Variants in PALD1 observed in about 807,000 individuals in gnomAD.
The protein encoded by PALD1 is paladin.
In PALD1, 57 loss-of-function variants were observed where a neutral mutation model predicts 96.0. That is an observed-to-expected ratio of 0.59 (90% CI 0.48 to 0.74). PALD1 has a LOEUF of 0.74. Ranked by LOEUF, PALD1 falls within the 30% of genes least tolerant of loss-of-function variation. PALD1 has a pLI of 0.00. For synonymous variants in PALD1, 464 were observed against 473.6 expected (o/e 0.98, Z 0.26); for missense variants, 1,063 against 1,143.7 (o/e 0.93, Z 1.02).
the PALD1 span, among the ~76,000 whole-genome samples, chr10:70,469,076 A>C: frequency 6.6e-6 from 1 of 152,130 alleles, no homozygotes; most frequent in Non-Finnish European, 1.5e-5. Context: ...AGCCTTGGCC[A>C]GCCCACCCTT....
the PALD1 span, among the ~76,000 whole-genome samples, chr10:70,462,376 A>C: frequency 6.6e-6 from 1 of 152,254 alleles, no homozygotes; most frequent in Non-Finnish European, 1.5e-5. Context: ...TAAAGTGGGA[A>C]TACTACGTGC....
chr10:70,505,997 G>A (rs1846381484), intron 1 of PALD1, among the ~76,000 whole-genome samples: 1 of 151,810 alleles, frequency 6.6e-6, no homozygotes, highest in Admixed American at 6.6e-5. Context: ...CTCCAGCCTG[G>A]GTGACAAAGC....
chr10:70,566,275 C>T (rs538595823), intron 19 of PALD1, among the ~76,000 whole-genome samples: 2 of 152,324 alleles, frequency 1.3e-5, no homozygotes, highest in East Asian at 1.9e-4. Flanking sequence ...TGGGCGTCCA[C>T]GTGGGAGCAT....
At chr10:70,550,616 C>T (rs989536096) in intron 18 of PALD1, among the ~76,000 whole-genome samples, 6 of 152,204 alleles carry the variant, frequency 3.9e-5, no homozygotes, top group African/African-American at 1.2e-4. Context: ...AGAAACCTCA[C>T]ACCCGCTAGC....
chr10:70,460,159 CTT>C, the PALD1 span, among the ~76,000 whole-genome samples: 1 of 152,190 alleles, frequency 6.6e-6, no homozygotes, highest in African/African-American at 2.4e-5. Flanking sequence ...GCTCAGTCCT[CTT>C]TGTCTTCTGA....
intron 1 of PALD1, among the ~76,000 whole-genome samples, chr10:70,509,915 C>T (rs562960658): frequency 5.3e-5 from 8 of 152,274 alleles, no homozygotes; most frequent in African/African-American, 1.4e-4. Flanking sequence ...AGAATTCAGC[C>T]GCTGAAATGT....
chr10:70,478,645 G>C (rs952273020), upstream of PALD1, among the ~76,000 whole-genome samples: 1 of 152,186 alleles, frequency 6.6e-6, no homozygotes, highest in Non-Finnish European at 1.5e-5. Flanking sequence ...CCCGCCCGGG[G>C]GCTGCGGCTG....
intron 1 of PALD1, among the ~76,000 whole-genome samples, chr10:70,523,726 T>C (rs922457407): frequency 2.0e-5 from 3 of 152,032 alleles, no homozygotes; most frequent in Non-Finnish European, 4.4e-5. Flanking sequence ...GTCACGAGGC[T>C]CCTGGGAGTT....
intron 1 of PALD1, among the ~76,000 whole-genome samples, chr10:70,497,691 C>T (rs553124405): frequency 9.2e-5 from 14 of 151,970 alleles, no homozygotes; most frequent in Non-Finnish European, 1.5e-4. Flanking sequence ...CTCAGCCTCC[C>T]GAGTAGCTGG....
chr10:70,538,211 G>A, intron 11 of PALD1, 69 bp from the exon 12 acceptor site: 1 of 1,527,702 alleles, frequency 6.5e-7, no homozygotes, highest in Non-Finnish European at 8.9e-7. Flanking sequence ...CCCTGCCATG[G>A]TGTGGGCAGG....
intron 18 of PALD1, among the ~76,000 whole-genome samples, chr10:70,550,255 A>T (rs1847454947): frequency 6.6e-6 from 1 of 152,140 alleles, no homozygotes; most frequent in South Asian, 2.1e-4. Context: ...TTGTTTTTGA[A>T]GTCTCCCAGG....
chr10:70,529,253 G>C lies in PALD1; in HGVS notation c.210G>C (p.Gln70His). The C allele has an allele frequency of 7.9e-7, 1 of 1,269,784 alleles. No individual in the cohort carries two copies. The highest frequency in any genetic ancestry group is 1.1e-6 in the Non-Finnish European group (1 of 906,356). 78.7% of individuals were successfully genotyped at this position (1,269,784 alleles called of 1,614,324 possible). The change falls in exon 3 of 20, where the codon CAG (glutamine) becomes CAC (histidine). Residue 70 changes from glutamine (Q) to histidine (H), a missense_variant. Gln to His is a conservative substitution (Grantham distance 24, BLOSUM62 0). Transcript: ENST00000263563. The part of the protein sequence containing the change: ...VITYNCKEEF[Q>H]IHDELLKAHY... ...GGTACAACTGCAAGGAGGAGTTCCA[G>C]ATCCATGATGAGCTGCTCAAGGCTC...
the PALD1 span, among the ~76,000 whole-genome samples, chr10:70,473,183 G>A: frequency 6.6e-6 from 1 of 152,078 alleles, no homozygotes; most frequent in Admixed American, 6.5e-5. Flanking sequence ...CCTGCATCCC[G>A]CCCTGCTGGG....
At chr10:70,537,654 C>T (rs1385589943) in intron 10 of PALD1, among the ~76,000 whole-genome samples, 157 bp from the exon 11 acceptor site, 1 of 152,234 alleles carries the variant, frequency 6.6e-6, no homozygotes, top group African/African-American at 2.4e-5. Context: ...GGGTGAGACA[C>T]TTAGAAGAAC....
intron 1 of PALD1, chr10:70,486,321 C>A: frequency 6.4e-6 from 1 of 156,622 alleles, no homozygotes. Flanking sequence ...GGCGCCATCA[C>A]CACCCACCAC....
chr10:70,474,702 T>C (rs771292811), upstream of PALD1, among the ~76,000 whole-genome samples: 6 of 152,342 alleles, frequency 3.9e-5, no homozygotes, highest in Non-Finnish European at 8.8e-5. Context: ...GGTTTGAACC[T>C]TGTGTATGAA....
chr10:70,534,773 A>C lies in PALD1; in HGVS notation c.1157A>C (p.His386Pro). The change falls in exon 10 of 20, where the codon CAT (histidine) becomes CCT (proline). Residue 386 changes from histidine to proline, a missense_variant. Coordinates refer to ENST00000263563, the MANE Select transcript of PALD1 (RefSeq NM_014431.3). ...DRAITACAEL[H>P]DLKEVVLENQ... is the part of the protein sequence containing the mutation. ...GCCATCACTGCCTGTGCCGAGTTGCATGACCTGAAAGAAGTGGTCTTGGAA... is the reference window on the plus strand; with the variant it reads ...GCCATCACTGCCTGTGCCGAGTTGCCTGACCTGAAAGAAGTGGTCTTGGAA... The C allele has an allele frequency of 1.9e-6, 3 of 1,611,018 alleles. No homozygotes were observed. The highest frequency in any genetic ancestry group is 2.5e-6 in the Non-Finnish European group (3 of 1,178,746).
At chr10:70,510,873 A>G (rs1215329314) in intron 1 of PALD1, among the ~76,000 whole-genome samples, 1 of 152,076 alleles carries the variant, frequency 6.6e-6, no homozygotes, top group Non-Finnish European at 1.5e-5. Context: ...CTGCTTCACC[A>G]TGCTGTCTCG....
rs150533185 is a variant in PALD1 at position 70,558,164 on chromosome 10, G to T, written c.2263-6200G>T. On this transcript the variant is annotated intron_variant, in intron 18 of 19. Transcript: ENST00000263563. ...TCTTGCTCTGTTGCCTGGGTTGCTGGCTCTTCTTATTTCTCCTCTGGGGCT... is the reference window on the plus strand; with the variant it reads ...TCTTGCTCTGTTGCCTGGGTTGCTGTCTCTTCTTATTTCTCCTCTGGGGCT... Among the ~76,000 whole-genome samples the T allele has an allele frequency of 6.3e-4, 96 of 151,882 alleles. 2 individuals are homozygous for T. In the East Asian group the frequency reaches 0.019, roughly 30 times the overall value.
Sources: allele counts gnomAD v4.1 joint callset (sites outside exome capture counted in the v4.1 genomes callset), GRCh38; gene constraint gnomAD v4.1.1; transcripts MANE v1.5; gene names NCBI Gene and HGNC (gene_info 2026-07-23, HGNC 2026-07-21).